COL22A1: variants seen among roughly 807,000 people sequenced by gnomAD.
COL22A1 encodes the protein collagen alpha-1(XXII) chain.
A neutral mutation model predicts 248.9 loss-of-function variants in COL22A1; 221 were observed. That is an observed-to-expected ratio of 0.89 (90% CI 0.80 to 0.99). COL22A1 has a LOEUF of 0.99. Ranked by LOEUF, COL22A1 falls within the 50% of genes least tolerant of loss-of-function variation. The probability of loss-of-function intolerance (pLI) is 0.00; values close to 1 mark genes in which losing one functional copy is unlikely to be tolerated. For synonymous variants in COL22A1, 891 were observed against 793.4 expected (o/e 1.12, Z -2.07); for missense variants, 2,240 against 2,179.0 (o/e 1.03, Z -0.56).
intron 42 of COL22A1, among the ~76,000 whole-genome samples, chr8:138,662,403 G>T (rs1316904891): frequency 1.3e-5 from 2 of 152,084 alleles, no homozygotes; most frequent in African/African-American, 4.8e-5. Context: ...TCAAACCCTG[G>T]CTCACTCCTT....
chr8:138,796,946 G>A, intron 11 of COL22A1, 89 bp from the exon 12 acceptor site: 1 of 896,866 alleles, frequency 1.1e-6, no homozygotes, highest in Non-Finnish European at 1.9e-6. Flanking sequence ...AGATTTGAAA[G>A]GATTAGATAT....
chr8:138,647,684 G>C (rs1822328284), intron 46 of COL22A1, among the ~76,000 whole-genome samples: 1 of 152,146 alleles, frequency 6.6e-6, no homozygotes, highest in South Asian at 2.1e-4. Context: ...TACCCAGGTG[G>C]GAGGGTGGGG....
In COL22A1 at chr8:138,865,825, G is replaced by A. The variant is rs369555309; in HGVS notation, c.658+11925C>T. Among the ~76,000 whole-genome samples the A allele has an allele frequency of 2.0e-4, 30 of 151,576 alleles. 2 individuals carry two copies. The highest frequency in any genetic ancestry group is 1.2e-3 in the Admixed American group (19 of 15,222). ...TGTGTGTATGTTTGTATGCCTGTGTGTGTGTGTATATGTATGCCTGTGAGT... is the reference window on the plus strand; with the variant it reads ...TGTGTGTATGTTTGTATGCCTGTGTATGTGTGTATATGTATGCCTGTGAGT... On this transcript the variant is annotated intron_variant, in intron 3 of 64. Transcript: ENST00000303045.
intron 37 of COL22A1, 109 bp downstream of exon 37, chr8:138,688,808 T>C: frequency 1.1e-6 from 1 of 873,694 alleles, no homozygotes; most frequent in Non-Finnish European, 1.9e-6. Context: ...GTAAACCCCT[T>C]CTGATTGCTG....
rs144413472 is a variant in COL22A1 at position 138,777,681 on chromosome 8, T to C, written c.1758+672A>G. On this transcript the variant is annotated intron_variant, in intron 15 of 64. Transcript: ENST00000303045. ...ATGGTTTCCAGCTTCATCCATATCC[T>C]TACAAAGGACAAGGACTTATCCATT... is the stretch of plus-strand genomic sequence containing the variant. Among the ~76,000 whole-genome samples, 646 of 152,282 alleles carry C rather than the reference T, an allele frequency of 4.2e-3. 5 individuals carry two copies. Among genetic ancestry groups the C allele is most frequent in the African/African-American group, 0.015 (605 of 41,560 alleles).
At chr8:138,707,274 C>A (rs1586522291) in intron 30 of COL22A1, among the ~76,000 whole-genome samples, 1 of 152,160 alleles carries the variant, frequency 6.6e-6, no homozygotes, top group East Asian at 1.9e-4. Context: ...GGAATCCTCC[C>A]TAATTCATTT....
chr8:138,714,375 C>T (rs79787108), intron 30 of COL22A1, among the ~76,000 whole-genome samples: 6,322 of 152,286 alleles, frequency 0.042, 139 homozygotes, highest in African/African-American at 0.067. Flanking sequence ...TCTCATTGAC[C>T]TCATCCCCTG....
chr8:138,694,826 C>A lies in COL22A1; in HGVS notation c.2646G>T (p.Pro882=), dbSNP rs756859195. 23 of 1,613,808 alleles carry A rather than the reference C, an allele frequency of 1.4e-5. No individual in the cohort carries two copies. The highest frequency in any genetic ancestry group is 1.9e-5 in the Non-Finnish European group (23 of 1,179,932). The part of the protein sequence containing the change: ...EKGDPGLPGE[P]GLQGRPGELG... ...GGGGAAGGGGACACAAGAGACTCAC[C>A]GGTTCCCCAGGCAGGCCTGGATCGC... The change falls in exon 33 of 65, where the codon CCG becomes CCT. Residue 882 remains proline, a splice_region_variant and synonymous_variant. Coordinates refer to ENST00000303045, the MANE Select transcript of COL22A1 (RefSeq NM_152888.3).
chr8:138,718,647 T>G (rs1280229991), intron 27 of COL22A1, among the ~76,000 whole-genome samples: 1 of 152,224 alleles, frequency 6.6e-6, no homozygotes, highest in Non-Finnish European at 1.5e-5. Flanking sequence ...AGTTGATGCT[T>G]TGTCAAAATA....
intron 45 of COL22A1, among the ~76,000 whole-genome samples, chr8:138,653,352 T>C (rs1208678942): frequency 6.6e-6 from 1 of 152,194 alleles, no homozygotes; most frequent in East Asian, 1.9e-4. Context: ...CAGGAAGTTC[T>C]GGCTCACGTA....
chr8:138,746,808 C>A (rs1158520382), intron 22 of COL22A1, among the ~76,000 whole-genome samples: 1 of 152,228 alleles, frequency 6.6e-6, no homozygotes, highest in Non-Finnish European at 1.5e-5. Context: ...CGACCCGAAC[C>A]AGGATGGGTG....
rs1405817651 is a variant in COL22A1 at position 138,598,859 on chromosome 8, C to T, written c.4225G>A (p.Gly1409Arg). 1.8e-5 allele frequency: 29 copies of T among 1,614,040 alleles called. No homozygotes were observed. The Admixed American group carries it at 4.7e-4, about 26-fold the overall frequency. The change falls in exon 61 of 65, where the codon GGA becomes AGA. Residue 1409 changes from glycine (G) to arginine (R), a missense_variant. Physicochemically the swap from Gly to Arg is moderately radical, Grantham distance 125. Coordinates refer to ENST00000303045, the MANE Select transcript of COL22A1 (RefSeq NM_152888.3). ...CCAGGGTCCCCAGGCTGGCCTTTTC[C>T]ACCAGGAGGTCCTTTGTCACCTTTG... ...GIKGDKGPPG[G>R]KGQPGDPGIP...
chr8:138,615,547 AAT>A (rs1491277895), intron 55 of COL22A1, among the ~76,000 whole-genome samples: 9 of 151,394 alleles, frequency 5.9e-5, no homozygotes, highest in Middle Eastern at 3.4e-3. Flanking sequence ...AAAAAAAAAA[AAT>A]TTTTTTTTTC....
At chr8:138,899,370 TAAG>T (rs1463426908) in intron 1 of COL22A1, among the ~76,000 whole-genome samples, 3 of 151,980 alleles carry the variant, frequency 2.0e-5, no homozygotes, top group Non-Finnish European at 2.9e-5. Context: ...ATGCAGAAAA[TAAG>T]AAGATCTGGT....
chr8:138,824,502 C>T (rs1316331673), intron 6 of COL22A1, among the ~76,000 whole-genome samples: 3 of 152,192 alleles, frequency 2.0e-5, no homozygotes, highest in Non-Finnish European at 2.9e-5. Flanking sequence ...GCCTGTGCAA[C>T]TCCACAGAGT....
chr8:138,597,825 C>G (rs373182580), intron 61 of COL22A1, among the ~76,000 whole-genome samples: 1 of 152,216 alleles, frequency 6.6e-6, no homozygotes, highest in Non-Finnish European at 1.5e-5. Context: ...GGCAAAGCTC[C>G]AAGAGGGCTT....
chr8:138,641,064 C>A (rs1821643374), intron 47 of COL22A1, among the ~76,000 whole-genome samples: 1 of 152,210 alleles, frequency 6.6e-6, no homozygotes, highest in Admixed American at 6.5e-5. Flanking sequence ...CATATCTGAC[C>A]TCTCTATATA....
chr8:138,883,216 G>A lies in COL22A1; in HGVS notation c.-44C>T. The A allele has an allele frequency of 6.5e-7, 1 of 1,534,830 alleles. No individual in the cohort carries two copies. The highest frequency in any genetic ancestry group is 8.8e-7 in the Non-Finnish European group (1 of 1,132,806). The stretch of plus-strand genomic sequence containing the variant: ...GACAGGCTTCTCTTGGCCAGGAAGA[G>A]ACGCTGTTAGGGTCTACAGCAGCAT... On this transcript the variant is annotated 5_prime_UTR_variant, in exon 2 of 65. Coordinates refer to ENST00000303045, the MANE Select transcript of COL22A1 (RefSeq NM_152888.3).
At chr8:138,902,055 G>A (rs564635379) in intron 1 of COL22A1, among the ~76,000 whole-genome samples, 18 of 152,240 alleles carry the variant, frequency 1.2e-4, no homozygotes, top group Non-Finnish European at 2.2e-4. Context: ...GCTGTAAGAC[G>A]CTGTGAAGGA....
Sources: gnomAD v4.1 joint callset for allele counts (sites outside exome capture counted in the v4.1 genomes callset) on GRCh38, gnomAD v4.1.1 for gene constraint, MANE v1.5 for transcripts, NCBI Gene and HGNC (gene_info 2026-07-23, HGNC 2026-07-21) for gene names.